ATP6V1B1: variants seen among roughly 807,000 people sequenced by gnomAD.
ATP6V1B1 encodes the protein ATPase H+ transporting V1 subunit B1.
In ATP6V1B1, 41 loss-of-function variants were observed where a neutral mutation model predicts 62.1. The ratio of observed to expected loss-of-function variants is 0.66; its 90% confidence interval spans 0.51 to 0.86. The LOEUF (loss-of-function observed/expected upper bound fraction) is 0.86. Among genes scored for constraint, ATP6V1B1 ranks in the 40% least tolerant of loss-of-function variants. ATP6V1B1 has a pLI of 0.00. For synonymous variants in ATP6V1B1, 253 were observed against 273.4 expected (o/e 0.93, Z 0.74); for missense variants, 651 against 697.5 (o/e 0.93, Z 0.75).
intron 2 of ATP6V1B1, among the ~76,000 whole-genome samples, chr2:70,951,632 G>A (rs1449328791): frequency 6.6e-6 from 1 of 152,170 alleles, no homozygotes; most frequent in African/African-American, 2.4e-5. Context: ...ACTCGGCCAG[G>A]CGCGGTGGCT....
rs782446537 is a variant in ATP6V1B1 at position 70,960,004 on chromosome 2, A to T, written c.511A>T (p.Ile171Phe). Residue 171 changes from isoleucine to phenylalanine, a missense_variant, in exon 6 of 14, where the codon ATT (isoleucine) becomes TTT (phenylalanine). Ile to Phe is a conservative substitution (Grantham distance 21). Transcript: ENST00000234396. Reference sequence around the variant, plus strand: ...GATGATTCAGACGGGCATTTCTCCTATTGACGTCATGAACAGCATTGCCCG... The same window carrying T: ...GATGATTCAGACGGGCATTTCTCCTTTTGACGTCATGAACAGCATTGCCCG... ...EEMIQTGISP[I>F]DVMNSIARGQ... 6.2e-7 allele frequency: 1 copy of T among 1,614,124 alleles called. No individual in the cohort carries two copies. The highest frequency in any genetic ancestry group is 8.5e-7 in the Non-Finnish European group (1 of 1,180,024).
At chr2:70,951,608 T>TA (rs1463066423) in intron 2 of ATP6V1B1, among the ~76,000 whole-genome samples, 4 of 151,998 alleles carry the variant, frequency 2.6e-5, no homozygotes, top group African/African-American at 9.7e-5. Flanking sequence ...CCACCACCTT[T>TA]AAAAAAATAG....
chr2:70,942,923 C>T lies in ATP6V1B1; in HGVS notation c.119-735C>T, dbSNP rs10172242. Among the ~76,000 whole-genome samples the T allele has an allele frequency of 6.1e-3, 934 of 152,346 alleles. 9 individuals carry two copies. The highest frequency in any genetic ancestry group is 0.021 in the African/African-American group (859 of 41,568). ...CAGAACCAAAACTAGGCTTGCCTCC[C>T]GCAAGTCCACAGCTTCTTCTATGGG... On this transcript the variant is annotated intron_variant, in intron 1 of 13. Coordinates refer to ENST00000234396, the MANE Select transcript of ATP6V1B1 (RefSeq NM_001692.4).
chr2:70,935,985 G>T lies in ATP6V1B1; in HGVS notation c.31G>T (p.Gly11Trp). 1.9e-6 allele frequency: 3 copies of T among 1,613,972 alleles called. No individual in the cohort carries two copies. Among genetic ancestry groups the T allele is most frequent in the Non-Finnish European group, 2.5e-6 (3 of 1,179,938 alleles). Residue 11 changes from glycine (G) to tryptophan (W), a missense_variant, in exon 1 of 14, where the codon GGG becomes TGG. Transcript: ENST00000234396. MAMEIDSRPGGLPGSSCNLGA... is the reference protein window; with the variant it reads MAMEIDSRPGWLPGSSCNLGA... ...CATGGAGATAGACAGCAGGCCTGGG[G>T]GGCTCCCCGGCAGTAGCTGCAACCT... is the stretch of plus-strand genomic sequence containing the variant.
Position 70,957,916 on chromosome 2 carries a change from T to C in ATP6V1B1, c.175-130T>C. On this transcript the variant is annotated intron_variant, in intron 2 of 13. Coordinates refer to ENST00000234396, the MANE Select transcript of ATP6V1B1 (RefSeq NM_001692.4). ...AACTTTCACTTCCCAGCCCCTTGAG[T>C]TCATTTCCACAAGTGTCTGGACACT... 1.9e-5 allele frequency: 17 copies of C among 875,718 alleles called. 1 individual carries two copies. Among genetic ancestry groups the C allele is most frequent in the Non-Finnish European group, 3.1e-5 (17 of 540,496 alleles). 54.2% of individuals were successfully genotyped at this position (875,718 alleles called of 1,614,324 possible). A position where few individuals can be genotyped will look rare whatever the true frequency, so the allele number is the denominator to read the frequency against.
Position 70,959,385 on chromosome 2 carries a change from G to A in ATP6V1B1, c.445+290G>A, listed in dbSNP as rs782316721. Among the ~76,000 whole-genome samples, 4 of 152,182 alleles carry A rather than the reference G, an allele frequency of 2.6e-5. No individual in the cohort carries two copies. The highest frequency in any genetic ancestry group is 5.9e-5 in the Non-Finnish European group (4 of 68,036). On this transcript the variant is annotated intron_variant, in intron 5 of 13. Transcript: ENST00000234396. This position sits in a 1 kb window ranked among gnomAD's most constrained non-coding sequence, Gnocchi z 4.2. The stretch of plus-strand genomic sequence containing the variant: ...TGAGAATGGGCTGCGGTGCTCTGCC[G>A]GCTCTCGTCCATTCAAGTGGGCACC...
Position 70,945,701 on chromosome 2 carries a change from G to GAGATATATAT in ATP6V1B1, c.174+1989_174+1990insGATATATATA, listed in dbSNP as rs1553417203. On this transcript the variant is annotated intron_variant, in intron 2 of 13. Transcript: ENST00000234396. Reference sequence around the variant, plus strand: ...TATCCTCTTTCTGGCTATTTGAAGAGATATATATATATATATATATATATA... The same window carrying GAGATATATAT: ...TATCCTCTTTCTGGCTATTTGAAGAGAGATATATATATATATATATATATATATATATATA... Among the ~76,000 whole-genome samples the GAGATATATAT allele has an allele frequency of 8.3e-4, 69 of 82,978 alleles. 1 individual carries two copies. Among genetic ancestry groups the GAGATATATAT allele is most frequent in the African/African-American group, 3.2e-3 (67 of 20,868 alleles). The allele number at this position is 82,978 out of a possible 152,430, so 54.4% of individuals were successfully genotyped here. A position where few individuals can be genotyped will look rare whatever the true frequency, so the allele number is the denominator to read the frequency against.
At chr2:70,958,956 G>A (rs1319938754) in intron 4 of ATP6V1B1, 62 bp from the exon 5 acceptor site, 1 of 1,517,248 alleles carries the variant, frequency 6.6e-7, no homozygotes, top group African/African-American at 1.4e-5. Context: ...GTGGAGGGTA[G>A]ACAGTAGTGA....
rs782359814 is a variant in ATP6V1B1 at position 70,961,609 on chromosome 2, C to T, written c.701C>T (p.Thr234Ile). 1.2e-6 allele frequency: 2 copies of T among 1,614,250 alleles called. No homozygotes were observed. Among genetic ancestry groups the T allele is most frequent in the Non-Finnish European group, 1.7e-6 (2 of 1,180,038 alleles). The change falls in exon 8 of 14, where the codon ACA becomes ATA. Residue 234 changes from threonine to isoleucine, a missense_variant. Coordinates refer to ENST00000234396, the MANE Select transcript of ATP6V1B1 (RefSeq NM_001692.4). ...VFAAMGVNME[T>I]ARFFKSDFEQ... is the part of the protein sequence containing the mutation. ...CTGTGTATCCAGGTGAACATGGAGA[C>T]AGCCAGATTCTTCAAGTCTGACTTT...
chr2:70,938,546 C>T (rs1347828339), intron 1 of ATP6V1B1: 10 of 985,166 alleles, frequency 1.0e-5, no homozygotes, highest in Non-Finnish European at 1.2e-5. Flanking sequence ...GGGAGGTGGG[C>T]TAAAGAGGCC....
chr2:70,962,726 G>T (rs1553420290), intron 8 of ATP6V1B1, 51 bp from the exon 9 acceptor site: 1 of 1,608,572 alleles, frequency 6.2e-7, no homozygotes, highest in African/African-American at 1.3e-5. Context: ...AGGCTATGTG[G>T]TGCATTAGCC....
chr2:70,955,087 C>T (rs564681291), intron 2 of ATP6V1B1, among the ~76,000 whole-genome samples: 7 of 152,254 alleles, frequency 4.6e-5, no homozygotes, highest in Admixed American at 2.6e-4. Flanking sequence ...AGGGATTCCC[C>T]GGGGCAAAGC....
chr2:70,959,195 G>T lies in ATP6V1B1; in HGVS notation c.445+100G>T, dbSNP rs1438695595. 31 of 1,332,740 alleles carry T rather than the reference G, an allele frequency of 2.3e-5. No individual in the cohort carries two copies. Among genetic ancestry groups the T allele is most frequent in the Non-Finnish European group, 3.3e-5 (31 of 936,542 alleles). 82.6% of individuals were successfully genotyped at this position (1,332,740 alleles called of 1,614,324 possible). A position where few individuals can be genotyped will look rare whatever the true frequency, so the allele number is the denominator to read the frequency against. The stretch of plus-strand genomic sequence containing the variant: ...GACTCACAAGCAGATCAGATGTGAT[G>T]GGAGAGCAGCAAAGGCCTCTCTATC... On this transcript the variant is annotated intron_variant, in intron 5 of 13. Coordinates refer to ENST00000234396, the MANE Select transcript of ATP6V1B1 (RefSeq NM_001692.4). This position sits in a 1 kb window ranked among gnomAD's most constrained non-coding sequence, Gnocchi z 4.2.
chr2:70,938,677 G>A, intron 1 of ATP6V1B1: 2 of 985,448 alleles, frequency 2.0e-6, no homozygotes, highest in Non-Finnish European at 2.4e-6. Context: ...CCTTGGGAAA[G>A]AAGGGTCCCC....
chr2:70,955,535 G>C (rs1553418925), intron 2 of ATP6V1B1, among the ~76,000 whole-genome samples: 1 of 152,152 alleles, frequency 6.6e-6, no homozygotes, highest in African/African-American at 2.4e-5. Flanking sequence ...CTGTCTTTAT[G>C]GAATTGCCTA....
At chr2:70,947,063 T>C (rs935535864) in intron 2 of ATP6V1B1, among the ~76,000 whole-genome samples, 1 of 152,094 alleles carries the variant, frequency 6.6e-6, no homozygotes, top group Non-Finnish European at 1.5e-5. Flanking sequence ...ACACAGGCAA[T>C]TACTCTTCCT....
At chr2:70,960,853 GTGGTGCTCAGTGGGACAGGGGTC>G in intron 6 of ATP6V1B1, 45 bp from the exon 7 acceptor site, 1 of 1,378,192 alleles carries the variant, frequency 7.3e-7, no homozygotes, top group East Asian at 2.6e-5. Flanking sequence ...CCATGAGCCA[GTGGTGCTCAGTGGGACAGGGGTC>G]AGCTCCGACT....
Position 70,963,171 on chromosome 2 carries a change from G to A in ATP6V1B1, c.919G>A (p.Ala307Thr), listed in dbSNP as rs1680632096. The A allele has an allele frequency of 6.2e-7, 1 of 1,614,038 alleles. No individual in the cohort carries two copies. ...CCCATGGATATTGCAGGTCTCTGCT[G>A]CTAGAGAGGAGGTGCCTGGGCGCCG... ...YAEALREVSA[A>T]REEVPGRRGF... Residue 307 changes from alanine to threonine, a missense_variant, in exon 10 of 14, where the codon GCT becomes ACT. Physicochemically the swap from Ala to Thr is moderately conservative, Grantham distance 58. Coordinates refer to ENST00000234396, the MANE Select transcript of ATP6V1B1 (RefSeq NM_001692.4). The surrounding 1 kb of genome is among the most constrained non-coding windows in gnomAD (Gnocchi z 4.3).
chr2:70,964,586 C>T (rs782688729), intron 12 of ATP6V1B1, 44 bp downstream of exon 12: 14 of 1,610,628 alleles, frequency 8.7e-6, no homozygotes, highest in South Asian at 1.1e-5. Context: ...CTCTAGTTTC[C>T]GAAGCTGAAG....
Sources: gnomAD v4.1 joint callset for allele counts (sites outside exome capture counted in the v4.1 genomes callset) on GRCh38, gnomAD v4.1.1 for gene constraint, Gnocchi (gnomAD v3.1) non-coding constraint, MANE v1.5 for transcripts, NCBI Gene and HGNC (gene_info 2026-07-23, HGNC 2026-07-21) for gene names.